CPNE4: variants seen among roughly 807,000 people sequenced by gnomAD.
CPNE4 encodes copine-4.
CPNE4 carries 25 observed loss-of-function variants against 67.9 expected under a neutral mutation model. The ratio of observed to expected loss-of-function variants is 0.37; its 90% confidence interval spans 0.27 to 0.51. The LOEUF is 0.51. CPNE4 is among the 20% of genes least tolerant of loss of function. The pLI is 0.93. For missense variants in CPNE4, 464 were observed against 690.8 expected (o/e 0.67, Z 3.68); for synonymous variants, 242 against 244.9 (o/e 0.99, Z 0.11).
chr3:131,819,993 T>C (rs2084904781), intron 2 of CPNE4, among the ~76,000 whole-genome samples: 1 of 152,162 alleles, frequency 6.6e-6, no homozygotes, highest in Non-Finnish European at 1.5e-5. Context: ...TACATTTGAG[T>C]CCCAGTGTTG....
intron 1 of CPNE4, among the ~76,000 whole-genome samples, chr3:131,916,830 A>G (rs1398164197): frequency 6.6e-6 from 1 of 152,188 alleles, no homozygotes; most frequent in African/African-American, 2.4e-5. Context: ...GTGGCTAGTG[A>G]CATGCACTGG....
At chr3:131,904,565 G>A (rs946354940) in intron 2 of CPNE4, among the ~76,000 whole-genome samples, 2 of 152,036 alleles carry the variant, frequency 1.3e-5, no homozygotes, top group Non-Finnish European at 2.9e-5. Context: ...CCTGTTTTGG[G>A]CTTGGTCAGA....
intron 1 of CPNE4, among the ~76,000 whole-genome samples, chr3:132,018,951 T>C (rs1222955926): frequency 6.6e-6 from 1 of 152,220 alleles, no homozygotes; most frequent in Non-Finnish European, 1.5e-5. Context: ...GCGATGCACT[T>C]GAGCAACCAC....
chr3:131,768,793 T>G (rs2083089706), intron 2 of CPNE4, among the ~76,000 whole-genome samples: 1 of 152,022 alleles, frequency 6.6e-6, no homozygotes, highest in Non-Finnish European at 1.5e-5. Context: ...ACTGAATGAG[T>G]CCCCTGGAAA....
At chr3:131,543,629 A>G (rs940577991) in intron 14 of CPNE4, among the ~76,000 whole-genome samples, 1 of 152,172 alleles carries the variant, frequency 6.6e-6, no homozygotes, top group African/African-American at 2.4e-5. Context: ...TATGTTGGCT[A>G]TGTTGGTTTA....
chr3:131,662,885 A>G (rs920637062), intron 7 of CPNE4, among the ~76,000 whole-genome samples: 2 of 152,222 alleles, frequency 1.3e-5, no homozygotes, highest in Admixed American at 1.3e-4. Flanking sequence ...TAGTTCAACC[A>G]TTGTGGAAGA....
chr3:131,723,286 A>T (rs2081930972), intron 3 of CPNE4, among the ~76,000 whole-genome samples, 160 bp downstream of exon 3: 1 of 152,218 alleles, frequency 6.6e-6, no homozygotes, highest in South Asian at 2.1e-4. Context: ...ACATAAACAT[A>T]ATGGATATGA....
At chr3:131,917,940 G>A (rs769452148) in intron 1 of CPNE4, among the ~76,000 whole-genome samples, 1 of 152,182 alleles carries the variant, frequency 6.6e-6, no homozygotes, top group Non-Finnish European at 1.5e-5. Flanking sequence ...GGTGGGTAGA[G>A]AGAGACCAGA....
At chr3:131,776,163 GT>G (rs1168853239) in intron 2 of CPNE4, among the ~76,000 whole-genome samples, 6 of 152,090 alleles carry the variant, frequency 3.9e-5, no homozygotes, top group Non-Finnish European at 1.5e-5. Context: ...CTTCTCACGA[GT>G]TTTCCAGTAA....
chr3:131,741,447 T>C (rs926599697), intron 2 of CPNE4, among the ~76,000 whole-genome samples: 10 of 151,934 alleles, frequency 6.6e-5, no homozygotes, highest in Non-Finnish European at 1.5e-4. Context: ...CTCATAACAG[T>C]CTAGAATTAA....
At position 131,823,143 on chromosome 3, in the gene CPNE4, C is replaced by T. The variant is rs551765064; in HGVS notation, c.180+82121G>A. ...CATGAGCCACTGCGCCCGGTCTGTACACTTAACTTCTTATCACAAGTTTTT... is the reference window on the plus strand; with the variant it reads ...CATGAGCCACTGCGCCCGGTCTGTATACTTAACTTCTTATCACAAGTTTTT... On this transcript the variant is annotated intron_variant, in intron 2 of 15. Transcript: ENST00000429747. 5.3e-5 allele frequency among the ~76,000 whole-genome samples: 8 copies of T among 152,204 alleles called. No homozygotes were observed. In the South Asian group the frequency reaches 6.2e-4, roughly 12 times the overall value.
chr3:131,936,480 C>A (rs1444575892), intron 1 of CPNE4, among the ~76,000 whole-genome samples: 1 of 152,030 alleles, frequency 6.6e-6, no homozygotes, highest in East Asian at 1.9e-4. Context: ...TATGCAGCAG[C>A]AGCAAAGGAA....
chr3:131,902,781 G>A (rs1200599868), intron 2 of CPNE4, among the ~76,000 whole-genome samples: 2 of 151,926 alleles, frequency 1.3e-5, no homozygotes, highest in Non-Finnish European at 1.5e-5. Flanking sequence ...TTTCCAAGGA[G>A]TTACTTTTTT....
chr3:131,842,831 C>T (rs925282399), intron 2 of CPNE4, among the ~76,000 whole-genome samples: 1 of 150,700 alleles, frequency 6.6e-6, no homozygotes, highest in African/African-American at 2.4e-5. Context: ...TTAAAAGTAA[C>T]ATGAAACACT....
chr3:132,033,382 AGTGTGTGAGTGTGTGTGTGTGTCTGTGT>A (rs1466756111), intron 1 of CPNE4, among the ~76,000 whole-genome samples: 7 of 130,558 alleles, frequency 5.4e-5, no homozygotes, highest in South Asian at 2.8e-4. Flanking sequence ...ATCCTGTGAG[AGTGTGTGAGTGTGTGTGTGTGTCTGTGT>A]GTGTGTGTGT....
intron 2 of CPNE4, among the ~76,000 whole-genome samples, chr3:131,871,313 G>A (rs1200931530): frequency 6.6e-6 from 1 of 152,070 alleles, no homozygotes; most frequent in African/African-American, 2.4e-5. Flanking sequence ...AGTGGGATTT[G>A]CCCTGATAAG....
At chr3:131,624,096 GTCTT>G (rs1940613875) in intron 7 of CPNE4, among the ~76,000 whole-genome samples, 1 of 152,106 alleles carries the variant, frequency 6.6e-6, no homozygotes, top group Non-Finnish European at 1.5e-5. Context: ...TGCTATTGGT[GTCTT>G]TCTGAGTTTT....
At chr3:131,927,779 C>T (rs1330465969) in intron 1 of CPNE4, among the ~76,000 whole-genome samples, 7 of 152,174 alleles carry the variant, frequency 4.6e-5, no homozygotes, top group Non-Finnish European at 7.4e-5. Context: ...CTTCCCTCAT[C>T]GCCACCATGG....
At chr3:131,695,681 C>G (rs527946159) in intron 5 of CPNE4, among the ~76,000 whole-genome samples, 1 of 152,350 alleles carries the variant, frequency 6.6e-6, no homozygotes, top group South Asian at 2.1e-4. Flanking sequence ...TCCCAACTGA[C>G]ATCTATGCAC....
Sources: gnomAD v4.1 joint callset for allele counts (sites outside exome capture counted in the v4.1 genomes callset) on GRCh38, gnomAD v4.1.1 for gene constraint, MANE v1.5 for transcripts, NCBI Gene and HGNC (gene_info 2026-07-23, HGNC 2026-07-21) for gene names.